KLHL1: variants seen among roughly 807,000 people sequenced by gnomAD.
KLHL1 encodes the protein kelch-like protein 1.
A neutral mutation model predicts 77.7 loss-of-function variants in KLHL1; 47 were observed. The ratio of observed to expected loss-of-function variants is 0.60; its 90% CI spans 0.48 to 0.77. The LOEUF is 0.77. Among genes scored for constraint, KLHL1 ranks in the 30% least tolerant of loss-of-function variants. KLHL1 has a pLI of 0.00. For missense variants in KLHL1, 925 were observed against 910.8 expected (o/e 1.02, Z -0.20); for synonymous variants, 360 against 325.2 (o/e 1.11, Z -1.15).
At position 70,108,296 on chromosome 13, in the gene KLHL1, C is replaced by G. The variant is rs973957630; in HGVS notation, c.-597G>C. 7 of 355,232 alleles carry G rather than the reference C, an allele frequency of 2.0e-5. No homozygotes were observed. The highest frequency in any genetic ancestry group is 8.5e-5 in the East Asian group (2 of 23,404). 22.0% of individuals were successfully genotyped at this position (355,232 alleles called of 1,614,324 possible). ...GCCTTTTCGAGGATGCCCCGATAGC[C>G]TGCCGGGTGGCTCTGAGAAAGTCAA... is the stretch of plus-strand genomic sequence containing the variant. On this transcript the variant is annotated 5_prime_UTR_variant, in exon 1 of 11. Transcript: ENST00000377844.
intron 1 of KLHL1, among the ~76,000 whole-genome samples, chr13:69,978,508 A>G (rs1226925546): frequency 2.0e-5 from 3 of 148,350 alleles, no homozygotes; most frequent in Admixed American, 1.3e-4. Flanking sequence ...TTTTTTTGAG[A>G]CAAAGTCTCA....
intron 2 of KLHL1, among the ~76,000 whole-genome samples, chr13:69,961,655 A>G (rs1884068156): frequency 6.6e-6 from 1 of 152,080 alleles, no homozygotes; most frequent in Admixed American, 6.6e-5. Context: ...ATTTTCTTCT[A>G]TCACTTGAAC....
intron 7 of KLHL1, among the ~76,000 whole-genome samples, chr13:69,745,201 T>A (rs979281158): frequency 6.6e-6 from 1 of 152,044 alleles, no homozygotes; most frequent in Admixed American, 6.6e-5. Context: ...ACCATGCTGA[T>A]GACTGGTAAA....
At chr13:69,788,197 A>T (rs1221976782) in intron 7 of KLHL1, among the ~76,000 whole-genome samples, 1 of 152,234 alleles carries the variant, frequency 6.6e-6, no homozygotes, top group Non-Finnish European at 1.5e-5. Context: ...TGCTGCTATA[A>T]AGATACATGC....
At chr13:69,716,512 C>T (rs2137888633) in intron 9 of KLHL1, among the ~76,000 whole-genome samples, 1 of 152,050 alleles carries the variant, frequency 6.6e-6, no homozygotes, top group Admixed American at 6.6e-5. Context: ...TGAAATGATC[C>T]CTCTGGCAAC....
intron 1 of KLHL1, among the ~76,000 whole-genome samples, chr13:69,989,247 T>G (rs1437741334): frequency 6.6e-6 from 1 of 152,008 alleles, no homozygotes; most frequent in Non-Finnish European, 1.5e-5. Context: ...TTTTGTCACC[T>G]TTGTCAAAAA....
chr13:69,926,793 A>G (rs957628120), intron 4 of KLHL1, among the ~76,000 whole-genome samples: 6 of 151,584 alleles, frequency 4.0e-5, no homozygotes, highest in Non-Finnish European at 7.4e-5. Flanking sequence ...TAAAAATACA[A>G]AAAATTAGCT....
In KLHL1 at chr13:69,962,498, AT is replaced by A. The variant is rs532248496; in HGVS notation, c.681-1055del. ...TAAACAGTTCCTCTGTCACAGAGGC[AT>A]TTTGTGTTTTTTTCTATATTAAGAG... is the stretch of plus-strand genomic sequence containing the variant. On this transcript the variant is annotated intron_variant, in intron 2 of 10. Coordinates refer to ENST00000377844, the MANE Select transcript of KLHL1 (RefSeq NM_020866.3). Among the ~76,000 whole-genome samples, 587 of 151,926 alleles carry A rather than the reference AT, an allele frequency of 3.9e-3. 2 individuals are homozygous for A. Among genetic ancestry groups the A allele is most frequent in the South Asian group, 7.3e-3 (35 of 4,826 alleles).
chr13:70,064,263 G>A (rs1886956924), intron 1 of KLHL1, among the ~76,000 whole-genome samples: 1 of 152,106 alleles, frequency 6.6e-6, no homozygotes, highest in African/African-American at 2.4e-5. Context: ...CTCAGGGATT[G>A]CAATGTCTTT....
rs139208405 is a variant in KLHL1 at position 69,736,679 on chromosome 13, G to GATATATAT, written c.1802+3707_1802+3714dup. On this transcript the variant is annotated intron_variant, in intron 8 of 10. Transcript: ENST00000377844. Reference sequence around the variant, plus strand: ...TAGTGATTGGATAAAGAGATTGTGAGATATATATATGTATATATATATACA... The same window carrying GATATATAT: ...TAGTGATTGGATAAAGAGATTGTGAGATATATATATATATATATGTATATATATATACA... 3.6e-3 allele frequency among the ~76,000 whole-genome samples: 532 copies of GATATATAT among 146,282 alleles called. 3 individuals carry two copies. The highest frequency in any genetic ancestry group is 0.015 in the Admixed American group (231 of 15,006).
chr13:69,961,457 C>A lies in KLHL1; in HGVS notation c.681-13G>T. The A allele has an allele frequency of 6.2e-7, 1 of 1,612,168 alleles. No homozygotes were observed. The highest frequency in any genetic ancestry group is 8.5e-7 in the Non-Finnish European group (1 of 1,178,948). Reference sequence around the variant, plus strand: ...ACTCAGAACAAGCCTGAAAGAGTCACAGGTTCTAATTTAGGTCGTGAATGT... The same window carrying A: ...ACTCAGAACAAGCCTGAAAGAGTCAAAGGTTCTAATTTAGGTCGTGAATGT... On this transcript the variant is annotated splice_polypyrimidine_tract_variant and intron_variant, in intron 2 of 10. Transcript: ENST00000377844.
intron 3 of KLHL1, among the ~76,000 whole-genome samples, chr13:69,941,753 T>C (rs559098485): frequency 6.6e-6 from 1 of 151,968 alleles, no homozygotes; most frequent in South Asian, 2.1e-4. Flanking sequence ...AAGATCCAAA[T>C]AAACTCAATT....
At chr13:69,851,449 G>A (rs1034014857) in intron 5 of KLHL1, among the ~76,000 whole-genome samples, 3 of 151,650 alleles carry the variant, frequency 2.0e-5, no homozygotes, top group Non-Finnish European at 2.9e-5. Context: ...GACAGTATGA[G>A]TTTTTTGAAA....
At chr13:69,890,671 T>C (rs964417845) in intron 4 of KLHL1, among the ~76,000 whole-genome samples, 1 of 151,366 alleles carries the variant, frequency 6.6e-6, no homozygotes, top group African/African-American at 2.4e-5. Flanking sequence ...CACACAGATA[T>C]ATGTATCTCC....
At chr13:69,720,455 A>T (rs1872993736) in intron 8 of KLHL1, among the ~76,000 whole-genome samples, 1 of 152,110 alleles carries the variant, frequency 6.6e-6, no homozygotes, top group Non-Finnish European at 1.5e-5. Flanking sequence ...GTCCATGAAC[A>T]AAACAGGAAA....
At chr13:69,996,875 T>A (rs1485309988) in intron 1 of KLHL1, among the ~76,000 whole-genome samples, 1 of 150,818 alleles carries the variant, frequency 6.6e-6, no homozygotes, top group Non-Finnish European at 1.5e-5. Context: ...TGTTAAGAAA[T>A]TGCCTTTATG....
intron 1 of KLHL1, among the ~76,000 whole-genome samples, chr13:70,097,097 G>A (rs1358048057): frequency 1.3e-5 from 2 of 151,888 alleles, no homozygotes; most frequent in Non-Finnish European, 2.9e-5. Flanking sequence ...GCTCAGTTCT[G>A]GGGTAATTAG....
At chr13:69,829,033 A>C (rs1878659565) in intron 6 of KLHL1, among the ~76,000 whole-genome samples, 1 of 150,502 alleles carries the variant, frequency 6.6e-6, no homozygotes, top group South Asian at 2.1e-4. Flanking sequence ...TTGCCTGAGA[A>C]ACCCAAAGTA....
chr13:69,885,935 A>G (rs975061346), intron 4 of KLHL1, among the ~76,000 whole-genome samples: 1 of 152,196 alleles, frequency 6.6e-6, no homozygotes, highest in Non-Finnish European at 1.5e-5. Context: ...ATGGAGACAT[A>G]TAGTATTCTG....
Sources: allele counts gnomAD v4.1 joint callset (sites outside exome capture counted in the v4.1 genomes callset), GRCh38; gene constraint gnomAD v4.1.1; transcripts MANE v1.5; gene names NCBI Gene and HGNC (gene_info 2026-07-23, HGNC 2026-07-21).